The following SGCZ variants were observed in gnomAD, a reference collection of about 807,000 sequenced individuals.
SGCZ encodes zeta-sarcoglycan.
In SGCZ, 40 loss-of-function variants were observed where a neutral mutation model predicts 41.3. The ratio of observed to expected loss-of-function variants is 0.97; its 90% CI spans 0.75 to 1.26. The LOEUF (loss-of-function observed/expected upper bound fraction) is 1.26. Among genes scored for constraint, SGCZ ranks in the 50% most tolerant of loss-of-function variants. The pLI, the probability that SGCZ is intolerant of heterozygous loss-of-function variation, is 0.00. For missense variants in SGCZ, 552 were observed against 369.8 expected, an observed-to-expected ratio of 1.49 and a Z score of -4.04; for synonymous variants, 206 against 137.5, an observed-to-expected ratio of 1.50 and a Z score of -3.49.
chr8:14,208,272 G>T lies in SGCZ; in HGVS notation c.424+29320C>A, dbSNP rs534808130. Among the ~76,000 whole-genome samples the T allele has an allele frequency of 2.6e-5, 4 of 152,208 alleles. No homozygotes were observed. In the East Asian group the frequency reaches 7.7e-4, roughly 29 times the overall value. On this transcript the variant is annotated intron_variant, in intron 4 of 7. Coordinates refer to ENST00000382080, the MANE Select transcript of SGCZ (RefSeq NM_139167.4). The stretch of plus-strand genomic sequence containing the variant: ...TTAAAGGCAATGCATATAATTAACA[G>T]GATTAACATCTGAAACTGTGTTTAT...
At chr8:14,760,413 T>C (rs1367526394) in intron 1 of SGCZ, among the ~76,000 whole-genome samples, 1 of 152,214 alleles carries the variant, frequency 6.6e-6, no homozygotes. Context: ...CATAAAAGTA[T>C]CCACCCTCTT....
At chr8:14,925,990 T>C (rs774798046) in intron 1 of SGCZ, among the ~76,000 whole-genome samples, 6 of 152,310 alleles carry the variant, frequency 3.9e-5, no homozygotes, top group Non-Finnish European at 7.3e-5. Flanking sequence ...TGTAAACAGA[T>C]AGCTGAAGTA....
At chr8:15,118,244 T>A (rs1231834829) in intron 1 of SGCZ, among the ~76,000 whole-genome samples, 2 of 152,222 alleles carry the variant, frequency 1.3e-5, no homozygotes, top group Non-Finnish European at 2.9e-5. Flanking sequence ...TCTTGGAGAT[T>A]TCCTATATTT....
At chr8:14,789,922 G>T (rs1800894517) in intron 1 of SGCZ, among the ~76,000 whole-genome samples, 1 of 152,036 alleles carries the variant, frequency 6.6e-6, no homozygotes, top group African/African-American at 2.4e-5. Flanking sequence ...AACAGAGAAT[G>T]TTTTCAATTT....
intron 1 of SGCZ, among the ~76,000 whole-genome samples, chr8:15,009,408 A>G (rs151206719): frequency 2.7e-3 from 152 of 56,796 alleles, no homozygotes; most frequent in African/African-American, 7.4e-3. Flanking sequence ...AACGTTGGGT[A>G]TTACAATTCT....
At chr8:15,165,907 C>A (rs1203519513) in intron 1 of SGCZ, among the ~76,000 whole-genome samples, 1 of 152,160 alleles carries the variant, frequency 6.6e-6, no homozygotes, top group Non-Finnish European at 1.5e-5. Flanking sequence ...AAAATCATAA[C>A]AAGGTTTTCC....
chr8:14,756,215 C>G (rs1006160095), intron 1 of SGCZ, among the ~76,000 whole-genome samples: 1 of 137,238 alleles, frequency 7.3e-6, no homozygotes, highest in Non-Finnish European at 1.5e-5. Context: ...GAGACAGAGT[C>G]TTGCTCTGTT....
chr8:14,263,506 G>T (rs1341154382), intron 3 of SGCZ, among the ~76,000 whole-genome samples: 1 of 152,082 alleles, frequency 6.6e-6, no homozygotes, highest in Non-Finnish European at 1.5e-5. Flanking sequence ...CCACGATGAT[G>T]CCACTGCACT....
chr8:14,737,144 T>TATATATCTATATACTGGATATATAAG (rs1799062887), intron 1 of SGCZ, among the ~76,000 whole-genome samples: 1 of 17,168 alleles, frequency 5.8e-5, no homozygotes, highest in African/African-American at 1.4e-4. Flanking sequence ...ATATATAAGA[T>TATATATCTATATACTGGATATATAAG]ATATATATAT....
At chr8:14,615,111 C>A (rs1294249473) in intron 1 of SGCZ, among the ~76,000 whole-genome samples, 1 of 152,036 alleles carries the variant, frequency 6.6e-6, no homozygotes, top group Non-Finnish European at 1.5e-5. Context: ...ATAATTATGA[C>A]AGTAAAGGAG....
intron 4 of SGCZ, among the ~76,000 whole-genome samples, chr8:14,185,776 T>G (rs1339287462): frequency 6.6e-6 from 1 of 152,216 alleles, no homozygotes; most frequent in African/African-American, 2.4e-5. Context: ...ACTCTTAAAC[T>G]GTGTTGTATG....
intron 1 of SGCZ, among the ~76,000 whole-genome samples, chr8:15,153,717 G>A (rs937873351): frequency 4.6e-5 from 7 of 151,972 alleles, no homozygotes; most frequent in African/African-American, 1.2e-4. Context: ...TGCCCCTACC[G>A]TGCCTTCCGC....
rs1322867638 is a variant in SGCZ, at chr8:14,727,234, C to G, written c.40-172308G>C. On this transcript the variant is annotated intron_variant, in intron 1 of 7. Transcript: ENST00000382080. ...ATCTCAGGAAAAGAATGCTCAACAT[C>G]TTTACTCAACAGGATTATAAAAATG... 2.0e-5 allele frequency among the ~76,000 whole-genome samples: 3 copies of G among 152,072 alleles called. No homozygotes were observed. The East Asian group carries it at 5.8e-4, about 29-fold the overall frequency.
chr8:14,252,791 C>T (rs1365644), intron 3 of SGCZ, among the ~76,000 whole-genome samples: 151,649 of 152,344 alleles, frequency 1, 75,483 homozygotes, highest in East Asian at 1. Flanking sequence ...AGCTTTCAGG[C>T]AGTGCCAGTT....
chr8:15,048,693 C>CACAGATCT (rs1262605952), intron 1 of SGCZ, among the ~76,000 whole-genome samples: 1 of 151,974 alleles, frequency 6.6e-6, no homozygotes, highest in African/African-American at 2.4e-5. Context: ...CACTTTTGAC[C>CACAGATCT]ACAGATCTAA....
intron 1 of SGCZ, among the ~76,000 whole-genome samples, chr8:15,146,992 A>G (rs1338840203): frequency 6.6e-6 from 1 of 152,222 alleles, no homozygotes; most frequent in Non-Finnish European, 1.5e-5. Context: ...TTAATTTACT[A>G]TTGAAGGGCT....
intron 1 of SGCZ, among the ~76,000 whole-genome samples, chr8:14,993,300 G>C (rs1054084474): frequency 2.0e-5 from 3 of 151,854 alleles, no homozygotes; most frequent in Non-Finnish European, 4.4e-5. Flanking sequence ...CTCCTTATCT[G>C]CTCATATATT....
At chr8:15,138,135 G>A (rs557982387) in intron 1 of SGCZ, among the ~76,000 whole-genome samples, 24 of 152,312 alleles carry the variant, frequency 1.6e-4, no homozygotes, top group Admixed American at 1.2e-3. Flanking sequence ...AAGGTTTAAC[G>A]AATGCCTTAC....
intron 1 of SGCZ, among the ~76,000 whole-genome samples, chr8:14,627,257 G>A (rs1219283038): frequency 6.6e-6 from 1 of 152,122 alleles, no homozygotes; most frequent in Non-Finnish European, 1.5e-5. Flanking sequence ...AGTTTACGTA[G>A]TACATCTTCT....
Sources: allele counts gnomAD v4.1 joint callset (sites outside exome capture counted in the v4.1 genomes callset), GRCh38; gene constraint gnomAD v4.1.1; transcripts MANE v1.5; gene names NCBI Gene and HGNC (gene_info 2026-07-23, HGNC 2026-07-21).